POLDIP3: variants seen among roughly 807,000 people sequenced by gnomAD.
The protein encoded by POLDIP3 is DNA polymerase delta interacting protein 3, also known as polymerase delta-interacting protein 3.
POLDIP3 carries 14 observed loss-of-function variants against 45.1 expected under a neutral mutation model. The observed-to-expected ratio is 0.31, with a 90% CI of 0.20 to 0.49. The LOEUF (loss-of-function observed/expected upper bound fraction) is 0.49, where lower values mean the gene tolerates loss of function less well. Ranked by LOEUF, POLDIP3 falls within the 20% of genes least tolerant of loss-of-function variation. POLDIP3 has a pLI of 0.99. For synonymous variants in POLDIP3, 223 were observed against 205.2 expected (o/e 1.09, Z -0.74); for missense variants, 511 against 538.8 (o/e 0.95, Z 0.51).
rs1335403000 is a variant in POLDIP3 at position 42,596,260 on chromosome 22, T to G, written c.739A>C (p.Thr247Pro). ...TAPALPSSIR[T>P]KALTNMSRTL... ...CGGGACATGTTGGTCAAGGCTTTTG[T>G]TCGAATAGAGGAAGGGAGAGCAGGA... is the stretch of plus-strand genomic sequence containing the variant. Residue 247 changes from threonine to proline, a missense_variant, in exon 5 of 9, where the codon ACA (threonine) becomes CCA (proline). Around this residue, in one of 4 missense-constraint regions of POLDIP3, gnomAD observed 378 missense variants for 352.3 expected, o/e 1.07. Coordinates refer to ENST00000252115, the MANE Select transcript of POLDIP3 (RefSeq NM_032311.5). 6 of 1,614,194 alleles carry G rather than the reference T, an allele frequency of 3.7e-6. No homozygotes were observed. The South Asian group carries it at 5.5e-5, about 15-fold the overall frequency.
chr22:42,608,285 T>G (rs536346120), intron 1 of POLDIP3, among the ~76,000 whole-genome samples: 2 of 127,324 alleles, frequency 1.6e-5, no homozygotes, highest in South Asian at 2.8e-4. Context: ...TAGCTGCAAG[T>G]GATGATGCAC....
In POLDIP3 at chr22:42,602,890, C is replaced by T. The variant is rs575545967; in HGVS notation, c.330G>A (p.Lys110=). 2.0e-5 allele frequency: 33 copies of T among 1,613,894 alleles called. 1 individual carries two copies. In the South Asian group the frequency reaches 3.6e-4, roughly 18 times the overall value. Residue 110 remains lysine (K), a synonymous_variant, in exon 2 of 9, where the codon AAG becomes AAA. Coordinates refer to ENST00000252115, the MANE Select transcript of POLDIP3 (RefSeq NM_032311.5). Reference sequence around the variant, plus strand: ...CCCGGGCATCAGCAACCTGGCGGGGCTTCTGGGGCACCGTGGTCTGCTGCT... The same window carrying T: ...CCCGGGCATCAGCAACCTGGCGGGGTTTCTGGGGCACCGTGGTCTGCTGCT... ...SRKQQTTVPQ[K]PRQVADAREK...
At chr22:42,595,402 A>G (rs1925923449) in intron 6 of POLDIP3, 135 bp downstream of exon 6, 1 of 756,980 alleles carries the variant, frequency 1.3e-6, no homozygotes, top group African/African-American at 1.7e-5. Context: ...TGCTGTCATT[A>G]GTCTCAGCCC....
intron 1 of POLDIP3, among the ~76,000 whole-genome samples, chr22:42,608,149 A>G (rs1926884441): frequency 6.6e-6 from 1 of 152,082 alleles, no homozygotes; most frequent in Admixed American, 6.5e-5. Context: ...GAGAGATCAG[A>G]TTGTTACTGT....
chr22:42,588,542 G>A (rs1318843469), intron 7 of POLDIP3, among the ~76,000 whole-genome samples: 4 of 148,480 alleles, frequency 2.7e-5, no homozygotes, highest in African/African-American at 7.4e-5. Context: ...CCAATCCAAA[G>A]ACAGATTGTC....
intron 1 of POLDIP3, among the ~76,000 whole-genome samples, chr22:42,611,915 C>T (rs1927143291): frequency 6.6e-6 from 1 of 152,134 alleles, no homozygotes. Context: ...AAACTTACTG[C>T]AGGAAATGAC....
chr22:42,606,591 C>CCA (rs1277294958), intron 1 of POLDIP3, among the ~76,000 whole-genome samples: 1 of 152,152 alleles, frequency 6.6e-6, no homozygotes, highest in Non-Finnish European at 1.5e-5. Context: ...ATACTGTCCT[C>CCA]CAGGCTGGAC....
chr22:42,585,114 TGGA>T lies in POLDIP3; in HGVS notation c.*674_*676del, dbSNP rs1925215478. 1 of 437,854 alleles carries T rather than the reference TGGA, an allele frequency of 2.3e-6. No homozygotes were observed. Among genetic ancestry groups the T allele is most frequent in the East Asian group, 7.0e-5 (1 of 14,306 alleles). The allele number at this position is 437,854 out of a possible 1,614,324, so 27.1% of individuals were successfully genotyped here. A position where few individuals can be genotyped will look rare whatever the true frequency, so the allele number is the denominator to read the frequency against. On this transcript the variant is annotated 3_prime_UTR_variant, in exon 9 of 9. Transcript: ENST00000252115. ...TCAAGGAAAAGGGAAAGGTGAACTC[TGGA>T]GAACTTCCTCTGGGTGGAGACGACA...
chr22:42,608,943 T>C (rs1180376693), intron 1 of POLDIP3, among the ~76,000 whole-genome samples: 1 of 152,198 alleles, frequency 6.6e-6, no homozygotes, highest in African/African-American at 2.4e-5. Context: ...TCAGGCTTTT[T>C]ATAATCACAG....
intron 6 of POLDIP3, among the ~76,000 whole-genome samples, chr22:42,593,682 C>T (rs1925809884): frequency 6.6e-6 from 1 of 152,122 alleles, no homozygotes; most frequent in Non-Finnish European, 1.5e-5. Flanking sequence ...CCACGCCTGG[C>T]GAATTTTTCT....
At chr22:42,600,144 C>T (rs1461773613) in intron 3 of POLDIP3, among the ~76,000 whole-genome samples, 1 of 152,156 alleles carries the variant, frequency 6.6e-6, no homozygotes, top group Admixed American at 6.5e-5. Flanking sequence ...CTAGAAAGAG[C>T]TTTATTTACA....
chr22:42,592,202 A>G (rs1925710139), intron 6 of POLDIP3, 118 bp from the exon 7 acceptor site: 1 of 1,467,834 alleles, frequency 6.8e-7, no homozygotes, highest in Admixed American at 1.9e-5. Flanking sequence ...CCTGCGCCTG[A>G]GACTGCGGGG....
At position 42,584,353 on chromosome 22, in the gene POLDIP3, A is replaced by C. The variant is rs1925159717; in HGVS notation, c.*1438T>G. On this transcript the variant is annotated 3_prime_UTR_variant, in exon 9 of 9. Transcript: ENST00000252115. ...AGCCTGCACACTGAAGCTGGGTTCAAATCCTGGGTCCTTCCTGCCTGACAG... is the reference window on the plus strand; with the variant it reads ...AGCCTGCACACTGAAGCTGGGTTCACATCCTGGGTCCTTCCTGCCTGACAG... 6.3e-6 allele frequency: 1 copy of C among 158,962 alleles called. No homozygotes were observed. Among genetic ancestry groups the C allele is most frequent in the East Asian group, 1.9e-4 (1 of 5,234 alleles). 9.8% of individuals were successfully genotyped at this position (158,962 alleles called of 1,614,324 possible).
chr22:42,610,926 C>T (rs1200740335), intron 1 of POLDIP3, among the ~76,000 whole-genome samples: 1 of 152,006 alleles, frequency 6.6e-6, no homozygotes, highest in Non-Finnish European at 1.5e-5. Flanking sequence ...AGGAAAAAAC[C>T]AACATGAGGG....
At chr22:42,611,162 T>C (rs1485648165) in intron 1 of POLDIP3, among the ~76,000 whole-genome samples, 1 of 152,144 alleles carries the variant, frequency 6.6e-6, no homozygotes, top group Admixed American at 6.5e-5. Flanking sequence ...GGTAATGACT[T>C]TTTTCTTTCT....
chr22:42,598,408 G>A (rs1052945901), intron 4 of POLDIP3, among the ~76,000 whole-genome samples: 12 of 149,256 alleles, frequency 8.0e-5, no homozygotes, highest in Admixed American at 2.0e-4. Flanking sequence ...ACACCACCAC[G>A]CCTGGCTAAT....
At chr22:42,610,569 G>A (rs1290146771) in intron 1 of POLDIP3, among the ~76,000 whole-genome samples, 2 of 152,140 alleles carry the variant, frequency 1.3e-5, no homozygotes, top group East Asian at 1.9e-4. Flanking sequence ...TAACAAAAGC[G>A]GACATGTCAA....
chr22:42,609,715 C>T (rs973082190), intron 1 of POLDIP3, among the ~76,000 whole-genome samples: 16 of 151,896 alleles, frequency 1.1e-4, no homozygotes, highest in African/African-American at 3.4e-4. Flanking sequence ...AGCAAGATTC[C>T]GTCTTATAAA....
intron 1 of POLDIP3, among the ~76,000 whole-genome samples, chr22:42,609,413 A>G (rs1926981976): frequency 6.6e-6 from 1 of 152,066 alleles, no homozygotes. Flanking sequence ...CGTTCCCTGG[A>G]CCCCAAATTC....
Sources: gnomAD v4.1 joint callset for allele counts (sites outside exome capture counted in the v4.1 genomes callset) on GRCh38, gnomAD v4.1.1 for gene constraint, gnomAD v4.1.1 regional missense constraint, MANE v1.5 for transcripts, NCBI Gene and HGNC (gene_info 2026-07-23, HGNC 2026-07-21) for gene names.